Variants in EP300 observed in about 807,000 individuals in gnomAD.
The protein encoded by EP300 is EP300 lysine acetyltransferase.
EP300 carries 31 observed loss-of-function variants against 264.0 expected under a neutral mutation model. That is an observed-to-expected ratio of 0.12 (90% confidence interval 0.09 to 0.16). The LOEUF (loss-of-function observed/expected upper bound fraction) is 0.16. Ranked by LOEUF, EP300 falls within the 10% of genes least tolerant of loss-of-function variation. The pLI is 1.00. For synonymous variants in EP300, 1,340 were observed against 1,045.4 expected (o/e 1.28, Z -5.44); for missense variants, 2,766 against 3,052.9 (o/e 0.91, Z 2.21).
intron 8 of EP300, 37 bp from the exon 9 acceptor site, chr22:41,140,103 G>A: frequency 2.8e-6 from 4 of 1,418,944 alleles, no homozygotes; most frequent in Non-Finnish European, 4.0e-6. Flanking sequence ...ATTAAATGCT[G>A]ACATGATATT....
chr22:41,109,745 C>T (rs994890272), intron 1 of EP300, among the ~76,000 whole-genome samples: 1 of 150,462 alleles, frequency 6.6e-6, no homozygotes, highest in Non-Finnish European at 1.5e-5. Flanking sequence ...AGGACGGGAA[C>T]GGATGGAGTT....
intron 22 of EP300, among the ~76,000 whole-genome samples, chr22:41,166,370 T>A (rs889116143): frequency 6.6e-6 from 1 of 152,260 alleles, no homozygotes; most frequent in Non-Finnish European, 1.5e-5. Flanking sequence ...TTTTCCTGTG[T>A]AAACCAATTT....
chr22:41,126,982 G>T (rs1201321797), intron 3 of EP300, among the ~76,000 whole-genome samples: 2 of 151,986 alleles, frequency 1.3e-5, no homozygotes, highest in Admixed American at 1.3e-4. Flanking sequence ...GACCTCAGGT[G>T]ATCCGCCTGC....
intron 17 of EP300, among the ~76,000 whole-genome samples, chr22:41,155,771 A>G (rs1425553637): frequency 6.6e-6 from 1 of 152,172 alleles, no homozygotes; most frequent in Non-Finnish European, 1.5e-5. Context: ...AATGTTTTCA[A>G]GGTTCATCCA....
chr22:41,150,087 T>A lies in EP300; in HGVS notation c.2706T>A (p.Pro902=). Residue 902 remains proline (P), a synonymous_variant, in exon 14 of 31, where the codon CCT becomes CCA. Transcript: ENST00000263253. ...CCCAACAAGTGCAGCCTTCACTTCC[T>A]GCTGCACCTTCTGCTGACCAGCCCC... ...QLPQQVQPSL[P]AAPSADQPQQ... The A allele has an allele frequency of 1.9e-6, 3 of 1,613,754 alleles. No individual in the cohort carries two copies. The highest frequency in any genetic ancestry group is 2.5e-6 in the Non-Finnish European group (3 of 1,180,034).
intron 10 of EP300, 37 bp downstream of exon 10, chr22:41,141,259 T>C (rs767321937): frequency 6.3e-7 from 1 of 1,592,486 alleles, no homozygotes; most frequent in Non-Finnish European, 8.6e-7. Context: ...TTGAGAGAAA[T>C]TGATAATAAA....
intron 10 of EP300, among the ~76,000 whole-genome samples, chr22:41,142,893 AAAC>A (rs2058991129): frequency 6.6e-6 from 1 of 152,096 alleles, no homozygotes; most frequent in African/African-American, 2.4e-5. Context: ...CTCAAAAAAA[AAAC>A]AAGTGGACAT....
At chr22:41,106,385 T>A (rs962567992) in intron 1 of EP300, among the ~76,000 whole-genome samples, 23 of 152,208 alleles carry the variant, frequency 1.5e-4, no homozygotes, top group African/African-American at 5.3e-4. Context: ...TTTCATTTTT[T>A]AAAAAATTCC....
intron 1 of EP300, among the ~76,000 whole-genome samples, chr22:41,100,535 C>T (rs935357494): frequency 1.3e-5 from 2 of 152,112 alleles, no homozygotes; most frequent in African/African-American, 4.8e-5. Context: ...GAGTCAGCCA[C>T]AGATTGAAAA....
Position 41,127,657 on chromosome 22 carries a change from G to A in EP300, c.1077G>A (p.Gly359=), listed in dbSNP as rs780613170. 19 of 1,614,156 alleles carry A rather than the reference G, an allele frequency of 1.2e-5. No individual in the cohort carries two copies. Among genetic ancestry groups the A allele is most frequent in the Middle Eastern group, 3.3e-4 (2 of 6,060 alleles). ...HKCQRREQAN[G]EVRQCNLPHC... is the part of the protein sequence containing the mutation. The stretch of plus-strand genomic sequence containing the variant: ...GCCAGCGCCGGGAACAGGCCAATGG[G>A]GAAGTGAGGCAGTGCAACCTTCCCC... The change falls in exon 4 of 31, where the codon GGG becomes GGA. Residue 359 remains glycine (G), a synonymous_variant. Coordinates refer to ENST00000263253, the MANE Select transcript of EP300 (RefSeq NM_001429.4).
rs543061463 is a variant in EP300 at position 41,103,096 on chromosome 22, G to A, written c.94+9998G>A. ...AACTCTGGCCTCAAGTGATCTGCTC[G>A]CCTTGGCCTCCCAAAAGTGCTGGGA... is the stretch of plus-strand genomic sequence containing the variant. On this transcript the variant is annotated intron_variant, in intron 1 of 30. Coordinates refer to ENST00000263253, the MANE Select transcript of EP300 (RefSeq NM_001429.4). 1.2e-4 allele frequency among the ~76,000 whole-genome samples: 19 copies of A among 152,246 alleles called. No homozygotes were observed. In the East Asian group the frequency reaches 1.5e-3, roughly 12 times the overall value.
rs2059153271 is a variant in EP300, at chr22:41,168,615, A to G, written c.4025+16A>G. 1.2e-6 allele frequency: 2 copies of G among 1,614,052 alleles called. No homozygotes were observed. The highest frequency in any genetic ancestry group is 2.2e-5 in the East Asian group (1 of 44,904). ...TGAAAGCAAGGTATCTAGTCATTTC[A>G]CTTTTCTTCTCCTCGTGGATCCAAA... On this transcript the variant is annotated intron_variant, in intron 24 of 30. Transcript: ENST00000263253.
chr22:41,176,579 G>GA, intron 30 of EP300, 51 bp downstream of exon 30: 1 of 1,611,812 alleles, frequency 6.2e-7, no homozygotes, highest in Non-Finnish European at 8.5e-7. Context: ...GGGTTGTTCT[G>GA]AGGGGCCATG....
At chr22:41,160,553 G>C (rs1030788679) in intron 19 of EP300, 89 bp from the exon 20 acceptor site, 1 of 1,225,222 alleles carries the variant, frequency 8.2e-7, no homozygotes, top group African/African-American at 1.5e-5. Flanking sequence ...CCCCTCCTTG[G>C]CCTGCTGTGA....
intron 2 of EP300, among the ~76,000 whole-genome samples, chr22:41,125,370 G>A (rs575280101): frequency 1.3e-4 from 20 of 151,338 alleles, no homozygotes; most frequent in East Asian, 1.2e-3. Context: ...CTCCCGCTTC[G>A]GCCTCCCAAA....
rs5845488 is a variant in EP300, at chr22:41,102,029, C to CTTT, written c.94+8946_94+8948dup. Among the ~76,000 whole-genome samples, 577 of 119,228 alleles carry CTTT rather than the reference C, an allele frequency of 4.8e-3. 6 individuals carry two copies. The highest frequency in any genetic ancestry group is 8.9e-3 in the Middle Eastern group (2 of 224). 78.2% of individuals were successfully genotyped at this position (119,228 alleles called of 152,430 possible). On this transcript the variant is annotated intron_variant, in intron 1 of 30. Coordinates refer to ENST00000263253, the MANE Select transcript of EP300 (RefSeq NM_001429.4). The stretch of plus-strand genomic sequence containing the variant: ...ATTTTCTGTTGCTTTTTTTTCTTTT[C>CTTT]TTTTTTTTTTTTTTTTTAGTACTGG...
At chr22:41,150,621 G>T (rs368240843) in intron 14 of EP300, among the ~76,000 whole-genome samples, 1 of 152,220 alleles carries the variant, frequency 6.6e-6, no homozygotes, top group Admixed American at 6.5e-5. Flanking sequence ...GGGCGCGGTG[G>T]TGTACACTTT....
intron 8 of EP300, among the ~76,000 whole-genome samples, chr22:41,139,399 G>C (rs1031938653): frequency 6.6e-6 from 1 of 152,232 alleles, no homozygotes; most frequent in African/African-American, 2.4e-5. Flanking sequence ...AATGGACAGA[G>C]ATGATTATTT....
At position 41,152,367 on chromosome 22, in the gene EP300, A is replaced by T. The variant is rs1850871108; in HGVS notation, c.3142+17A>T. 6.2e-7 allele frequency: 1 copy of T among 1,608,910 alleles called. No individual in the cohort carries two copies. The highest frequency in any genetic ancestry group is 8.5e-7 in the Non-Finnish European group (1 of 1,177,130). On this transcript the variant is annotated intron_variant, in intron 16 of 30. Transcript: ENST00000263253. ...AGAAAAAGAGTGAGTCTCTGAAGCCATTCGTTCTGGAGGTAGCTGAAGAAA... is the reference window on the plus strand; with the variant it reads ...AGAAAAAGAGTGAGTCTCTGAAGCCTTTCGTTCTGGAGGTAGCTGAAGAAA...
Sources: allele counts gnomAD v4.1 joint callset (sites outside exome capture counted in the v4.1 genomes callset), GRCh38; gene constraint gnomAD v4.1.1; transcripts MANE v1.5; gene names NCBI Gene and HGNC (gene_info 2026-07-23, HGNC 2026-07-21).